The following ADGRB3 variants were observed in gnomAD, a reference collection of about 807,000 sequenced individuals.
ADGRB3 encodes brain-specific angiogenesis inhibitor 3.
ADGRB3 carries 37 observed loss-of-function variants against 193.4 expected under a neutral mutation model. That is an observed-to-expected ratio of 0.19 (90% CI 0.15 to 0.25). The LOEUF (loss-of-function observed/expected upper bound fraction) is 0.25, where lower values mean the gene tolerates loss of function less well. Among genes scored for constraint, ADGRB3 ranks in the 10% least tolerant of loss-of-function variants. The pLI is 1.00. For synonymous variants in ADGRB3, 690 were observed against 644.2 expected (o/e 1.07, Z -1.08); for missense variants, 1,637 against 1,852.9 (o/e 0.88, Z 2.14).
intron 10 of ADGRB3, among the ~76,000 whole-genome samples, chr6:68,990,136 A>G (rs1276002950): frequency 6.6e-6 from 1 of 152,104 alleles, no homozygotes; most frequent in Non-Finnish European, 1.5e-5. Flanking sequence ...TCCAGAAAGA[A>G]AAAAGGGAAA....
chr6:69,229,909 A>G (rs1225726413), intron 17 of ADGRB3, among the ~76,000 whole-genome samples: 1 of 152,206 alleles, frequency 6.6e-6, no homozygotes, highest in East Asian at 1.9e-4. Flanking sequence ...TTTGTGTCTT[A>G]TATTTTCACA....
rs201574042 is a variant in ADGRB3, at chr6:69,062,968, G to C, written c.2368G>C (p.Val790Leu). 6 of 1,611,840 alleles carry C rather than the reference G, an allele frequency of 3.7e-6. No homozygotes were observed. The highest frequency in any genetic ancestry group is 4.5e-5 in the East Asian group (2 of 44,780). The change falls in exon 16 of 32, where the codon GTC (valine) becomes CTC (leucine). Residue 790 changes from valine (V) to leucine (L), a missense_variant. Val to Leu is a conservative substitution (Grantham distance 32, BLOSUM62 1). This residue lies in a region of ADGRB3 where 641 missense variants were observed against 673.9 expected (regional missense o/e 0.95). Transcript: ENST00000370598. The part of the protein sequence containing the change: ...YTVINSKIIV[V>L]TIRPEPKTTD... The stretch of plus-strand genomic sequence containing the variant: ...TGTCATTAATTCCAAAATCATCGTG[G>C]TCACAATAAGGCCTGAACCCAAAAC...
intron 3 of ADGRB3, among the ~76,000 whole-genome samples, chr6:68,786,065 A>T (rs543908652): frequency 0.014 from 2,103 of 148,394 alleles, 58 homozygotes; most frequent in African/African-American, 0.052. Flanking sequence ...CCGTTGTCAG[A>T]TGAGTAGGTT....
In ADGRB3 at chr6:68,929,043, A is replaced by G. The variant is rs1767261540; in HGVS notation, c.758-1516A>G. 4.6e-5 allele frequency among the ~76,000 whole-genome samples: 7 copies of G among 152,290 alleles called. No homozygotes were observed. The South Asian group carries it at 1.5e-3, about 32-fold the overall frequency. On this transcript the variant is annotated intron_variant, in intron 3 of 31. Transcript: ENST00000370598. ...GATACTTCTTATGGCCTGGCAAAAC[A>G]TGGTTTAGACACCACATACAGCACA... is the stretch of plus-strand genomic sequence containing the variant.
intron 17 of ADGRB3, among the ~76,000 whole-genome samples, chr6:69,093,202 C>G (rs1369787146): frequency 6.8e-6 from 1 of 147,764 alleles, no homozygotes; most frequent in Non-Finnish European, 1.5e-5. Flanking sequence ...GAAGGGTGGG[C>G]AAAACAGGCT....
chr6:68,826,438 G>T (rs1767845566), intron 3 of ADGRB3, among the ~76,000 whole-genome samples: 1 of 152,160 alleles, frequency 6.6e-6, no homozygotes, highest in Admixed American at 6.5e-5. Flanking sequence ...CTGCTTGGCT[G>T]GAGCAGAGTG....
intron 3 of ADGRB3, among the ~76,000 whole-genome samples, chr6:68,878,353 T>C (rs1765646797): frequency 6.6e-6 from 1 of 152,140 alleles, no homozygotes; most frequent in Admixed American, 6.5e-5. Flanking sequence ...TTGTTCATTT[T>C]GGCCCTATAA....
chr6:69,181,354 ATTC>A (rs1010610005), intron 17 of ADGRB3, among the ~76,000 whole-genome samples: 3 of 151,960 alleles, frequency 2.0e-5, no homozygotes, highest in African/African-American at 7.3e-5. Context: ...TCCTCATAAT[ATTC>A]TTATTTTTTT....
intron 17 of ADGRB3, among the ~76,000 whole-genome samples, chr6:69,229,297 A>T (rs554685021): frequency 6.6e-6 from 1 of 152,164 alleles, no homozygotes; most frequent in Non-Finnish European, 1.5e-5. Context: ...CCATATATAC[A>T]TCATCATTTG....
At chr6:68,927,766 G>A (rs1767222431) in intron 3 of ADGRB3, among the ~76,000 whole-genome samples, 1 of 151,930 alleles carries the variant, frequency 6.6e-6, no homozygotes, top group African/African-American at 2.4e-5. Flanking sequence ...TGAAAAAAAA[G>A]AATGAATTTT....
intron 6 of ADGRB3, among the ~76,000 whole-genome samples, chr6:68,949,343 A>C (rs775065292): frequency 4.6e-5 from 7 of 152,146 alleles, no homozygotes; most frequent in Non-Finnish European, 7.4e-5. Context: ...ACCCTGCCAG[A>C]GGGATGCTGC....
intron 11 of ADGRB3, among the ~76,000 whole-genome samples, chr6:69,010,664 G>A (rs980243528): frequency 5.3e-5 from 8 of 151,650 alleles, no homozygotes; most frequent in African/African-American, 1.7e-4. Context: ...AATAATTGAT[G>A]GGGAAAATGT....
chr6:68,778,771 T>G (rs1582194038), intron 3 of ADGRB3, among the ~76,000 whole-genome samples: 1 of 152,030 alleles, frequency 6.6e-6, no homozygotes, highest in African/African-American at 2.4e-5. Flanking sequence ...CTCTCTCCAG[T>G]CCCCATTTTC....
At position 69,092,538 on chromosome 6, in the gene ADGRB3, G is replaced by T. The variant is rs764952177; in HGVS notation, c.2480+16500G>T. Among the ~76,000 whole-genome samples, 136 of 152,100 alleles carry T rather than the reference G, an allele frequency of 8.9e-4. 1 individual carries two copies. Among genetic ancestry groups the T allele is most frequent in the Admixed American group, 4.8e-3 (74 of 15,258 alleles). The stretch of plus-strand genomic sequence containing the variant: ...AAAGACTTTGGAGATTTGATTTTTT[G>T]ATAATAATTGTAAGCAACATGTGTG... On this transcript the variant is annotated intron_variant, in intron 17 of 31. Transcript: ENST00000370598.
intron 19 of ADGRB3, among the ~76,000 whole-genome samples, chr6:69,236,788 A>G (rs905914140): frequency 2.6e-5 from 4 of 152,022 alleles, no homozygotes; most frequent in African/African-American, 9.7e-5. Flanking sequence ...TTAGTCCATA[A>G]TAAAGTTTTC....
At chr6:69,090,730 G>A (rs778298435) in intron 17 of ADGRB3, among the ~76,000 whole-genome samples, 1 of 152,112 alleles carries the variant, frequency 6.6e-6, no homozygotes, top group Non-Finnish European at 1.5e-5. Flanking sequence ...AGCTATGAAA[G>A]GTTAATTAAC....
intron 17 of ADGRB3, among the ~76,000 whole-genome samples, chr6:69,130,691 G>GT (rs899678860): frequency 6.6e-6 from 1 of 151,486 alleles, no homozygotes; most frequent in African/African-American, 2.4e-5. Context: ...GTTTCTTGGG[G>GT]TTTTTTCTAA....
chr6:69,283,176 G>T (rs2127287311), intron 20 of ADGRB3, among the ~76,000 whole-genome samples: 1 of 152,298 alleles, frequency 6.6e-6, no homozygotes, highest in East Asian at 1.9e-4. Context: ...AAATTGCCAA[G>T]GGGACTGGGA....
chr6:69,091,547 C>T (rs1314161306), intron 17 of ADGRB3, among the ~76,000 whole-genome samples: 1 of 152,076 alleles, frequency 6.6e-6, no homozygotes, highest in Non-Finnish European at 1.5e-5. Context: ...GAACAGAAAA[C>T]CAAATACCAC....
Sources: gnomAD v4.1 joint callset for allele counts (sites outside exome capture counted in the v4.1 genomes callset) on GRCh38, gnomAD v4.1.1 for gene constraint, gnomAD v4.1.1 regional missense constraint, MANE v1.5 for transcripts, NCBI Gene and HGNC (gene_info 2026-07-23, HGNC 2026-07-21) for gene names.